Variants in TTC23 observed in about 807,000 individuals in gnomAD.
TTC23 encodes tetratricopeptide repeat protein 23.
Under a neutral mutation model 55.1 loss-of-function variants are expected in TTC23, and 58 were observed. That is an observed-to-expected ratio of 1.05 (90% confidence interval 0.85 to 1.31). TTC23 has a LOEUF of 1.31. Among genes scored for constraint, TTC23 ranks in the 50% most tolerant of loss-of-function variants. The probability of loss-of-function intolerance (pLI) is 0.00; values close to 1 mark genes in which losing one functional copy is unlikely to be tolerated. For synonymous variants in TTC23, 203 were observed against 199.9 expected, an observed-to-expected ratio of 1.02 and a Z score of -0.13; for missense variants, 516 against 534.4, an observed-to-expected ratio of 0.97 and a Z score of 0.34.
At chr15:99,179,568 G>A (rs4965217) in intron 9 of TTC23, among the ~76,000 whole-genome samples, 122,024 of 152,258 alleles carry the variant, frequency 0.8, 49,206 homozygotes, top group African/African-American at 0.9. Flanking sequence ...TAACATGGTT[G>A]TATTTCAAAA....
intron 1 of TTC23, 58 bp downstream of exon 1, chr15:99,249,111 GCA>G (rs1255382309): frequency 6.6e-6 from 1 of 152,090 alleles, no homozygotes; most frequent in Admixed American, 6.6e-5. Flanking sequence ...CAATAACGAA[GCA>G]CAGTTTCTTA....
intron 12 of TTC23, 158 bp downstream of exon 12, chr15:99,155,990 A>C: frequency 1.1e-6 from 1 of 934,278 alleles, no homozygotes; most frequent in South Asian, 1.9e-5. Context: ...CTTTTACCCA[A>C]AAAGTATCAG....
chr15:99,197,000 G>A (rs2075770705), intron 9 of TTC23, among the ~76,000 whole-genome samples: 1 of 152,058 alleles, frequency 6.6e-6, no homozygotes, highest in African/African-American at 2.4e-5. Flanking sequence ...TCTTGCCTAG[G>A]CTTGTCTTCC....
intron 11 of TTC23, chr15:99,159,354 C>T (rs2071043866): frequency 6.6e-6 from 1 of 152,274 alleles, no homozygotes. Context: ...TCTGCTTTCA[C>T]AGGTTCGGTC....
intron 8 of TTC23, among the ~76,000 whole-genome samples, chr15:99,207,536 G>A (rs2076719895): frequency 6.6e-6 from 1 of 152,176 alleles, no homozygotes; most frequent in Admixed American, 6.5e-5. Context: ...GAGGCAGGTG[G>A]ATCACTTGAG....
chr15:99,237,115 G>T (rs1056976131), intron 3 of TTC23, among the ~76,000 whole-genome samples: 1 of 151,904 alleles, frequency 6.6e-6, no homozygotes, highest in Non-Finnish European at 1.5e-5. Context: ...CTGAGTAGCT[G>T]GGATTACAGG....
chr15:99,160,849 TA>T (rs1467986754), intron 11 of TTC23: 1 of 151,642 alleles, frequency 6.6e-6, no homozygotes, highest in African/African-American at 2.4e-5. Context: ...CCAACTCTAC[TA>T]AAAATACAAA....
chr15:99,214,483 G>A (rs2077292323), intron 8 of TTC23, among the ~76,000 whole-genome samples: 1 of 144,802 alleles, frequency 6.9e-6, no homozygotes, highest in Non-Finnish European at 1.5e-5. Flanking sequence ...ACTCCAGCCT[G>A]GGTGACAGAG....
chr15:99,137,334 G>C lies in TTC23; in HGVS notation c.*676C>G, dbSNP rs1055078101. The C allele has an allele frequency of 6.6e-6, 1 of 152,342 alleles. No homozygotes were observed. The highest frequency in any genetic ancestry group is 6.5e-5 in the Admixed American group (1 of 15,294). 9.4% of individuals were successfully genotyped at this position (152,342 alleles called of 1,614,324 possible). A position where few individuals can be genotyped will look rare whatever the true frequency, so the allele number is the denominator to read the frequency against. ...GCAGTGGAGGCCACAGGAGGGATGCGAAGCAGCAGGGAGTCTGCGGTCTTC... is the reference window on the plus strand; with the variant it reads ...GCAGTGGAGGCCACAGGAGGGATGCCAAGCAGCAGGGAGTCTGCGGTCTTC... On this transcript the variant is annotated 3_prime_UTR_variant, in exon 14 of 14. Coordinates refer to ENST00000394132, the MANE Select transcript of TTC23 (RefSeq NM_001288615.3).
chr15:99,237,564 T>G (rs1422454366), intron 3 of TTC23, among the ~76,000 whole-genome samples: 4 of 152,188 alleles, frequency 2.6e-5, no homozygotes, highest in African/African-American at 9.7e-5. Context: ...TGATTCCATT[T>G]ATATAAATTT....
chr15:99,161,926 G>A (rs1596330755), intron 10 of TTC23, 59 bp from the exon 11 acceptor site: 1 of 1,534,084 alleles, frequency 6.5e-7, no homozygotes, highest in Non-Finnish European at 8.7e-7. Context: ...AATGGAAACA[G>A]AATAAATATA....
At chr15:99,242,684 T>C (rs1036950807) in intron 2 of TTC23, among the ~76,000 whole-genome samples, 2 of 152,180 alleles carry the variant, frequency 1.3e-5, no homozygotes, top group Non-Finnish European at 1.5e-5. Context: ...TGGTTTAACA[T>C]CTGAACTCAT....
At chr15:99,174,077 T>G (rs2073255139) in intron 10 of TTC23, among the ~76,000 whole-genome samples, 1 of 152,182 alleles carries the variant, frequency 6.6e-6, no homozygotes, top group Non-Finnish European at 1.5e-5. Context: ...TCTCCATCCT[T>G]ACACAGGCTC....
At chr15:99,162,759 T>C (rs969460090) in intron 10 of TTC23, among the ~76,000 whole-genome samples, 3 of 152,110 alleles carry the variant, frequency 2.0e-5, no homozygotes, top group African/African-American at 4.8e-5. Context: ...GATGAGCTTA[T>C]GTTATAGGGT....
At chr15:99,247,372 TAGC>T (rs2080341704) in intron 1 of TTC23, among the ~76,000 whole-genome samples, 1 of 152,204 alleles carries the variant, frequency 6.6e-6, no homozygotes, top group South Asian at 2.1e-4. Flanking sequence ...CCCATCTTCA[TAGC>T]AGCATTATTC....
chr15:99,162,536 A>G (rs1341349609), intron 10 of TTC23, among the ~76,000 whole-genome samples: 1 of 152,222 alleles, frequency 6.6e-6, no homozygotes, highest in Non-Finnish European at 1.5e-5. Flanking sequence ...ATTAGAAAAA[A>G]GGTCCATCTA....
chr15:99,204,055 T>C (rs1363046685), intron 8 of TTC23, among the ~76,000 whole-genome samples: 1 of 152,212 alleles, frequency 6.6e-6, no homozygotes, highest in East Asian at 1.9e-4. Flanking sequence ...TTATTAGTTT[T>C]CTGAGGAACT....
At chr15:99,220,482 G>A (rs1284137444) in intron 6 of TTC23, among the ~76,000 whole-genome samples, 2 of 152,152 alleles carry the variant, frequency 1.3e-5, no homozygotes, top group Non-Finnish European at 2.9e-5. Flanking sequence ...CTTATTAACA[G>A]TGTGGTATGG....
At chr15:99,228,512 C>T (rs772572732) in intron 5 of TTC23, 21 bp downstream of exon 5, 3 of 1,579,570 alleles carry the variant, frequency 1.9e-6, no homozygotes, top group Non-Finnish European at 1.7e-6. Flanking sequence ...AGTAGAAATA[C>T]AGAAACAAAA....
Sources: gnomAD v4.1 joint callset for allele counts (sites outside exome capture counted in the v4.1 genomes callset) on GRCh38, gnomAD v4.1.1 for gene constraint, MANE v1.5 for transcripts, NCBI Gene and HGNC (gene_info 2026-07-23, HGNC 2026-07-21) for gene names.